Variants in TNFAIP8 observed in about 807,000 individuals in gnomAD.
TNFAIP8 encodes tumor necrosis factor alpha-induced protein 8.
In TNFAIP8, 7 loss-of-function variants were observed where a neutral mutation model predicts 13.3. That is an observed-to-expected ratio of 0.52 (90% confidence interval 0.30 to 0.99). The LOEUF is 0.99. Ranked by LOEUF, TNFAIP8 falls within the 50% of genes least tolerant of loss-of-function variation. The probability of loss-of-function intolerance (pLI) is 0.07; values close to 1 mark genes in which losing one functional copy is unlikely to be tolerated. For missense variants in TNFAIP8, 258 were observed against 236.9 expected (o/e 1.09, Z -0.58); for synonymous variants, 94 against 87.6 (o/e 1.07, Z -0.41).
intron 1 of TNFAIP8, among the ~76,000 whole-genome samples, chr5:119,285,329 C>G (rs888771): frequency 0.78 from 118,455 of 152,086 alleles, 47,562 homozygotes; most frequent in East Asian, 0.95. Flanking sequence ...ACTTTTCATT[C>G]TCATTTTAAG....
chr5:119,293,489 T>A (rs1749060950), intron 1 of TNFAIP8, among the ~76,000 whole-genome samples: 1 of 152,216 alleles, frequency 6.6e-6, no homozygotes, highest in African/African-American at 2.4e-5. Context: ...TATAATGTTC[T>A]CCAGGTTCAT....
intron 1 of TNFAIP8, among the ~76,000 whole-genome samples, chr5:119,384,876 G>T (rs759698836): frequency 6.6e-6 from 1 of 152,110 alleles, no homozygotes; most frequent in Non-Finnish European, 1.5e-5. Context: ...GCAGAGATGG[G>T]GTCTGATATG....
intron 1 of TNFAIP8, among the ~76,000 whole-genome samples, chr5:119,349,780 T>C (rs1181659438): frequency 6.6e-6 from 1 of 152,206 alleles, no homozygotes; most frequent in African/African-American, 2.4e-5. Context: ...ATCAAGTCAT[T>C]TGAACAGAGA....
intron 1 of TNFAIP8, among the ~76,000 whole-genome samples, chr5:119,377,864 C>T (rs1474755011): frequency 1.3e-5 from 2 of 152,108 alleles, no homozygotes; most frequent in African/African-American, 4.8e-5. Context: ...GAAATATAAT[C>T]ACATTTATTT....
intron 1 of TNFAIP8, among the ~76,000 whole-genome samples, chr5:119,378,303 C>G (rs1216168526): frequency 6.6e-6 from 1 of 152,166 alleles, no homozygotes; most frequent in African/African-American, 2.4e-5. Context: ...AATACTGCTT[C>G]TATAGAACTC....
At chr5:119,364,810 A>G (rs1462083530) in intron 1 of TNFAIP8, among the ~76,000 whole-genome samples, 2 of 147,378 alleles carry the variant, frequency 1.4e-5, no homozygotes, top group Non-Finnish European at 3.0e-5. Flanking sequence ...TTTTAAGGTA[A>G]TGAAGGGTTT....
intron 1 of TNFAIP8, among the ~76,000 whole-genome samples, chr5:119,295,308 A>G (rs1401129705): frequency 1.3e-5 from 2 of 150,692 alleles, no homozygotes; most frequent in Admixed American, 6.6e-5. Flanking sequence ...ATTTTTGTAT[A>G]AGGTGTAAGG....
intron 1 of TNFAIP8, among the ~76,000 whole-genome samples, chr5:119,374,747 G>A (rs1011268743): frequency 6.6e-6 from 1 of 152,146 alleles, no homozygotes; most frequent in Non-Finnish European, 1.5e-5. Context: ...TGGAATGGCC[G>A]GGGGGCTAAT....
At chr5:119,366,981 G>T (rs748232922) in intron 1 of TNFAIP8, among the ~76,000 whole-genome samples, 14 of 152,202 alleles carry the variant, frequency 9.2e-5, no homozygotes, top group Non-Finnish European at 1.8e-4. Flanking sequence ...TCTCAGCAGT[G>T]AAACAAGCTG....
intron 1 of TNFAIP8, among the ~76,000 whole-genome samples, chr5:119,317,877 G>A (rs1174293005): frequency 2.0e-5 from 3 of 152,090 alleles, no homozygotes; most frequent in African/African-American, 4.8e-5. Flanking sequence ...GATTACAGGC[G>A]TGAGCTCCTG....
At chr5:119,358,219 G>A (rs139472715) in intron 1 of TNFAIP8, among the ~76,000 whole-genome samples, 459 of 151,824 alleles carry the variant, frequency 3.0e-3, no homozygotes, top group African/African-American at 0.011. Context: ...TGCCTGATAC[G>A]CTGTAAGAGG....
At position 119,317,187 on chromosome 5, in the gene TNFAIP8, C is replaced by T. The variant is rs867212955; in HGVS notation, c.1+48280C>T. Among the ~76,000 whole-genome samples the T allele has an allele frequency of 1.6e-4, 24 of 152,212 alleles. No homozygotes were observed. In the South Asian group the frequency reaches 1.9e-3, roughly 12 times the overall value. On this transcript the variant is annotated intron_variant, in intron 1 of 1. Transcript: ENST00000274456. ...TTGTGGCTGGTGCACCTCCTGGTTC[C>T]GATTTCTTGGGTAGGACTTCTTCCT...
chr5:119,306,442 C>T (rs1419191338), intron 1 of TNFAIP8: 1 of 150,230 alleles, frequency 6.7e-6, no homozygotes, highest in African/African-American at 2.5e-5. Flanking sequence ...TGCTCTGTTT[C>T]TGACCTGGGC....
In TNFAIP8 at chr5:119,398,538, G is replaced by T. The variant is rs1341471665; in HGVS notation, c.*5157G>T. 6.6e-6 allele frequency: 1 copy of T among 152,026 alleles called. No homozygotes were observed. The highest frequency in any genetic ancestry group is 1.5e-5 in the Non-Finnish European group (1 of 68,062). 9.4% of individuals were successfully genotyped at this position (152,026 alleles called of 1,614,324 possible). A position where few individuals can be genotyped will look rare whatever the true frequency, so the allele number is the denominator to read the frequency against. ...TCTACTAAAAATACAAAATTAGCCG[G>T]GTGCAGTGCCACATGCCTGTAATCC... On this transcript the variant is annotated 3_prime_UTR_variant, in exon 2 of 2. Coordinates refer to ENST00000504771, the MANE Select transcript of TNFAIP8 (RefSeq NM_014350.4).
At chr5:119,280,944 C>CT (rs1383706440) in intron 1 of TNFAIP8, among the ~76,000 whole-genome samples, 1 of 151,628 alleles carries the variant, frequency 6.6e-6, no homozygotes, top group Non-Finnish European at 1.5e-5. Context: ...GGAATTAAAT[C>CT]TTTTTTATAG....
chr5:119,327,758 C>T (rs932281341), intron 1 of TNFAIP8, among the ~76,000 whole-genome samples: 3 of 152,096 alleles, frequency 2.0e-5, no homozygotes, highest in African/African-American at 7.2e-5. Flanking sequence ...CGTGCCCGGC[C>T]GCGTTATCTT....
intron 1 of TNFAIP8, among the ~76,000 whole-genome samples, chr5:119,372,624 C>G (rs927734631): frequency 3.3e-5 from 5 of 152,164 alleles, no homozygotes; most frequent in Admixed American, 3.3e-4. Context: ...CATAAAAATA[C>G]AAGTTGACCA....
rs112726091 is a variant in TNFAIP8 at position 119,278,672 on chromosome 5, T to C, written c.1+9765T>C. Among the ~76,000 whole-genome samples, 545 of 152,198 alleles carry C rather than the reference T, an allele frequency of 3.6e-3. 2 individuals are homozygous for C. The highest frequency in any genetic ancestry group is 0.012 in the African/African-American group (518 of 41,514). On this transcript the variant is annotated intron_variant, in intron 1 of 1. Transcript: ENST00000274456. ...GGACAAGAAGCATCTGTACTAACCCTGGGCTCCCATTCCCTAAAGGCCAGT... is the reference window on the plus strand; with the variant it reads ...GGACAAGAAGCATCTGTACTAACCCCGGGCTCCCATTCCCTAAAGGCCAGT...
chr5:119,378,518 G>A (rs1434177057), intron 1 of TNFAIP8, among the ~76,000 whole-genome samples: 1 of 152,206 alleles, frequency 6.6e-6, no homozygotes, highest in Non-Finnish European at 1.5e-5. Flanking sequence ...AATGTTGAGA[G>A]GTTGTGCCAA....
Sources: allele counts gnomAD v4.1 joint callset (sites outside exome capture counted in the v4.1 genomes callset), GRCh38; gene constraint gnomAD v4.1.1; transcripts MANE v1.5; gene names NCBI Gene and HGNC (gene_info 2026-07-23, HGNC 2026-07-21).